IBTK: variants seen among roughly 807,000 people sequenced by gnomAD.
The protein encoded by IBTK is inhibitor of Bruton tyrosine kinase.
Under a neutral mutation model 154.9 loss-of-function variants are expected in IBTK, and 83 were observed. The ratio of observed to expected loss-of-function variants is 0.54; its 90% CI spans 0.45 to 0.64. The LOEUF (loss-of-function observed/expected upper bound fraction) is 0.64, where lower values mean the gene tolerates loss of function less well. IBTK is among the 30% of genes least tolerant of loss of function. The pLI is 0.00. For synonymous variants in IBTK, 515 were observed against 536.1 expected (o/e 0.96, Z 0.54); for missense variants, 1,332 against 1,584.6 (o/e 0.84, Z 2.71).
chr6:82,200,750 GAA>G, intron 19 of IBTK, 42 bp from the exon 20 acceptor site: 1 of 488,266 alleles, frequency 2.0e-6, no homozygotes, highest in Non-Finnish European at 3.2e-6. Context: ...CAAAATCTGT[GAA>G]GTTTTTTTTT....
intron 1 of IBTK, among the ~76,000 whole-genome samples, chr6:82,244,085 C>T (rs1422010105): frequency 6.6e-6 from 1 of 152,140 alleles, no homozygotes; most frequent in Non-Finnish European, 1.5e-5. Flanking sequence ...CATAATCTCT[C>T]CAAGTCGTTT....
Position 82,214,833 on chromosome 6 carries a change from G to C in IBTK, c.1602-4C>G, listed in dbSNP as rs761622626. 5.8e-6 allele frequency: 9 copies of C among 1,541,248 alleles called. No individual in the cohort carries two copies. Among genetic ancestry groups the C allele is most frequent in the Middle Eastern group, 3.5e-4 (2 of 5,710 alleles). On this transcript the variant is annotated splice_region_variant and splice_polypyrimidine_tract_variant and intron_variant, in intron 11 of 28. Transcript: ENST00000306270. ...CACAGCTGGAATTTCATAAAGGCTA[G>C]AAAGAAGACAAAAACAAATTATGCT...
chr6:82,198,129 C>T (rs1199998119), intron 21 of IBTK, among the ~76,000 whole-genome samples: 1 of 152,188 alleles, frequency 6.6e-6, no homozygotes, highest in African/African-American at 2.4e-5. Flanking sequence ...TATTTCATTA[C>T]TAATGTCTCT....
intron 4 of IBTK, among the ~76,000 whole-genome samples, chr6:82,228,617 C>A (rs4706163): frequency 6.6e-6 from 1 of 151,302 alleles, no homozygotes; most frequent in Non-Finnish European, 1.5e-5. Context: ...ACTTTAAAAA[C>A]CCCAGACTTT....
At position 82,207,578 on chromosome 6, in the gene IBTK, A is replaced by G. The variant is rs1227585093; in HGVS notation, c.2510-2620T>C. Among the ~76,000 whole-genome samples, 3 of 152,176 alleles carry G rather than the reference A, an allele frequency of 2.0e-5. No individual in the cohort carries two copies. The East Asian group carries it at 5.8e-4, about 29-fold the overall frequency. The stretch of plus-strand genomic sequence containing the variant: ...GCTGCCTTTATTGCAGAAATTGGCA[A>G]ACTAATCCTAAAATTCACATGAAAA... On this transcript the variant is annotated intron_variant, in intron 16 of 28. Coordinates refer to ENST00000306270, the MANE Select transcript of IBTK (RefSeq NM_015525.4).
chr6:82,237,652 G>GGT (rs1770773860), intron 2 of IBTK, among the ~76,000 whole-genome samples: 2 of 83,624 alleles, frequency 2.4e-5, no homozygotes, highest in East Asian at 8.6e-4. Context: ...AGTAGTAGAA[G>GGT]ATAGTAGTGG....
At chr6:82,177,197 TTTGTTG>T (rs149045065) in intron 26 of IBTK, among the ~76,000 whole-genome samples, 40,457 of 150,726 alleles carry the variant, frequency 0.27, 5,814 homozygotes, top group Non-Finnish European at 0.34. Context: ...TTCTTTTTGT[TTTGTTG>T]TTGTTGTTGT....
At position 82,214,605 on chromosome 6, in the gene IBTK, T is replaced by A; in HGVS notation, c.1826A>T (p.Asp609Val). ...GAGATGGCACCCTGCAGAATCTTCA[T>A]CTTTCTGGTAAATATCTGTAAATTC... The part of the protein sequence containing the change: ...TSEFTDIYQK[D>V]EDSAGCHLFV... The change falls in exon 12 of 29, where the codon GAT becomes GTT. Residue 609 changes from aspartate (D) to valine (V), a missense_variant. This residue lies in a region of IBTK where 1,134 missense variants were observed against 1,274.7 expected (regional missense o/e 0.89). Coordinates refer to ENST00000306270, the MANE Select transcript of IBTK (RefSeq NM_015525.4). The A allele has an allele frequency of 6.2e-7, 1 of 1,614,092 alleles. No individual in the cohort carries two copies.
intron 25 of IBTK, among the ~76,000 whole-genome samples, chr6:82,189,204 C>T (rs1405971053): frequency 6.6e-6 from 1 of 151,638 alleles, no homozygotes; most frequent in Non-Finnish European, 1.5e-5. Context: ...AGCCCAAGTA[C>T]CCAGGATGTA....
Position 82,214,365 on chromosome 6 carries a change from T to G in IBTK, c.2066A>C (p.Asn689Thr). The G allele has an allele frequency of 6.2e-7, 1 of 1,614,110 alleles. No homozygotes were observed. The highest frequency in any genetic ancestry group is 8.5e-7 in the Non-Finnish European group (1 of 1,179,992). Residue 689 changes from asparagine to threonine, a missense_variant, in exon 12 of 29, where the codon AAT (asparagine) becomes ACT (threonine). Physicochemically the swap from Asn to Thr is moderately conservative, Grantham distance 65. Coordinates refer to ENST00000306270, the MANE Select transcript of IBTK (RefSeq NM_015525.4). ...QKSAFEVYKS[N>T]QAQTVSERQK... ...CCTCTCACTAACTGTTTGAGCTTGA[T>G]TACTTTTGTAAACTTCAAATGCAGA...
intron 26 of IBTK, among the ~76,000 whole-genome samples, 181 bp downstream of exon 26, chr6:82,181,698 C>T (rs764840744): frequency 9.2e-5 from 14 of 151,982 alleles, no homozygotes; most frequent in South Asian, 2.1e-4. Flanking sequence ...ATTATATCTC[C>T]GTAACCGTTT....
intron 10 of IBTK, 109 bp from the exon 11 acceptor site, chr6:82,216,359 T>C (rs1285646892): frequency 1.3e-5 from 9 of 689,420 alleles, no homozygotes; most frequent in Non-Finnish European, 1.9e-5. Context: ...GAAATCTTTT[T>C]CACATATATT....
rs756227713 is a variant in IBTK, at chr6:82,172,405, C to T, written c.3905G>A (p.Arg1302Gln). ...CTGAATCAGAGCCAACGGTTTTTCT[C>T]GACTTCTAATAAGAGCTGCTTCTTG... ...LQQEAALIRSREKPLALIQIE... is the reference protein window; with the variant it reads ...LQQEAALIRSQEKPLALIQIE... Residue 1302 changes from arginine to glutamine, a missense_variant, in exon 28 of 29, where the codon CGA becomes CAA. By Grantham distance (43) the Arg-to-Gln change is conservative. Coordinates refer to ENST00000306270, the MANE Select transcript of IBTK (RefSeq NM_015525.4). 8.7e-6 allele frequency: 14 copies of T among 1,613,556 alleles called. No homozygotes were observed. Among genetic ancestry groups the T allele is most frequent in the South Asian group, 3.3e-5 (3 of 90,974 alleles).
At position 82,171,122 on chromosome 6, in the gene IBTK, C is replaced by A; in HGVS notation, c.*303G>T. 5.7e-6 allele frequency: 1 copy of A among 175,868 alleles called. No individual in the cohort carries two copies. The highest frequency in any genetic ancestry group is 1.2e-5 in the Non-Finnish European group (1 of 84,168). The allele number at this position is 175,868 out of a possible 1,614,324, so 10.9% of individuals were successfully genotyped here. A position where few individuals can be genotyped will look rare whatever the true frequency, so the allele number is the denominator to read the frequency against. On this transcript the variant is annotated 3_prime_UTR_variant, in exon 29 of 29. Transcript: ENST00000306270. ...AAAGTTATTTTTAATACTTTACCCC[C>A]CTTATATCTTATGATTCAATCACTT...
chr6:82,223,742 T>C, intron 7 of IBTK, 122 bp from the exon 8 acceptor site: 1 of 760,008 alleles, frequency 1.3e-6, no homozygotes. Flanking sequence ...GCAGATCCCT[T>C]GAGCCCTGGA....
chr6:82,187,883 T>A (rs1445525908), intron 25 of IBTK, among the ~76,000 whole-genome samples: 1 of 152,180 alleles, frequency 6.6e-6, no homozygotes, highest in Non-Finnish European at 1.5e-5. Flanking sequence ...GGGAGTGAAC[T>A]GTTGTGTACA....
chr6:82,213,027 T>C, intron 12 of IBTK, among the ~76,000 whole-genome samples: 1 of 140,354 alleles, frequency 7.1e-6, no homozygotes, highest in Non-Finnish European at 1.5e-5. Context: ...TAGCACAAAG[T>C]TTTTCCTTTT....
intron 5 of IBTK, among the ~76,000 whole-genome samples, chr6:82,226,652 G>A (rs1169162824): frequency 3.3e-5 from 5 of 151,396 alleles, no homozygotes; most frequent in Non-Finnish European, 7.4e-5. Context: ...TGTTGCCCAG[G>A]CTGGAGTGCA....
intron 9 of IBTK, among the ~76,000 whole-genome samples, chr6:82,220,381 A>G (rs1770053289): frequency 6.6e-6 from 1 of 152,220 alleles, no homozygotes; most frequent in Admixed American, 6.5e-5. Flanking sequence ...GCAACATTAG[A>G]TTAAATGCTG....
Sources: allele counts gnomAD v4.1 joint callset (sites outside exome capture counted in the v4.1 genomes callset), GRCh38; gene constraint gnomAD v4.1.1; regional missense constraint gnomAD v4.1.1; transcripts MANE v1.5; gene names NCBI Gene and HGNC (gene_info 2026-07-23, HGNC 2026-07-21).